Variants in HS3ST4 observed in about 807,000 individuals in gnomAD.
The protein encoded by HS3ST4 is heparan sulfate-glucosamine 3-sulfotransferase 4.
In HS3ST4, 17 loss-of-function variants were observed where a neutral mutation model predicts 29.2. The ratio of observed to expected loss-of-function variants is 0.58; its 90% CI spans 0.40 to 0.87. The LOEUF is 0.87. Among genes scored for constraint, HS3ST4 ranks in the 40% least tolerant of loss-of-function variants. The probability of loss-of-function intolerance (pLI) is 0.00; values close to 1 mark genes in which losing one functional copy is unlikely to be tolerated. For missense variants in HS3ST4, 627 were observed against 634.5 expected (o/e 0.99, Z 0.13); for synonymous variants, 314 against 285.7 (o/e 1.10, Z -1.00).
Position 25,692,844 on chromosome 16 carries a change from C to G in HS3ST4, c.427C>G (p.Pro143Ala), listed in dbSNP as rs1194254882. The G allele has an allele frequency of 6.9e-7, 1 of 1,445,824 alleles. No individual in the cohort carries two copies. The highest frequency in any genetic ancestry group is 2.6e-5 in the Admixed American group (1 of 38,766). 89.6% of individuals were successfully genotyped at this position (1,445,824 alleles called of 1,614,324 possible). Residue 143 changes from proline to alanine, a missense_variant, in exon 1 of 2, where the codon CCG (proline) becomes GCG (alanine). This residue lies in a region of HS3ST4 where 402 missense variants were observed against 340.8 expected (regional missense o/e 1.18). Coordinates refer to ENST00000331351, the MANE Select transcript of HS3ST4 (RefSeq NM_006040.3). ...GGAQDAWLRT[P>A]LAPSEMITAQ... Reference sequence around the variant, plus strand: ...CGCCCAGGACGCCTGGCTCCGGACCCCGCTGGCCCCCAGCGAGATGATCAC... The same window carrying G: ...CGCCCAGGACGCCTGGCTCCGGACCGCGCTGGCCCCCAGCGAGATGATCAC...
chr16:25,788,021 T>C (rs1966860148), intron 1 of HS3ST4, among the ~76,000 whole-genome samples: 1 of 152,170 alleles, frequency 6.6e-6, no homozygotes, highest in Non-Finnish European at 1.5e-5. Flanking sequence ...TAGTTACAAG[T>C]GACAAAATCC....
At chr16:25,710,095 C>A (rs1030439613) in intron 1 of HS3ST4, among the ~76,000 whole-genome samples, 1 of 152,070 alleles carries the variant, frequency 6.6e-6, no homozygotes, top group Non-Finnish European at 1.5e-5. Flanking sequence ...GTGAGGCTCA[C>A]AATATAGAAT....
Position 25,756,694 on chromosome 16 carries a change from A to T in HS3ST4, c.734+63543A>T, listed in dbSNP as rs184915375. On this transcript the variant is annotated intron_variant, in intron 1 of 1. Coordinates refer to ENST00000331351, the MANE Select transcript of HS3ST4 (RefSeq NM_006040.3). ...CGGTGAAACTGCTTTGTTGATAAAA[A>T]TGATCCCTGTGTGAAACAGATGTCA... is the stretch of plus-strand genomic sequence containing the variant. Among the ~76,000 whole-genome samples the T allele has an allele frequency of 2.3e-4, 35 of 152,350 alleles. 2 individuals carry two copies. The highest frequency in any genetic ancestry group is 9.6e-4 in the East Asian group (5 of 5,192).
chr16:26,100,124 A>T (rs1453581799), intron 1 of HS3ST4, among the ~76,000 whole-genome samples: 1 of 152,106 alleles, frequency 6.6e-6, no homozygotes, highest in Admixed American at 6.5e-5. Flanking sequence ...AACTGACAGT[A>T]GGGACTCGAA....
At chr16:25,910,049 G>A (rs1013284303) in intron 1 of HS3ST4, among the ~76,000 whole-genome samples, 1 of 152,174 alleles carries the variant, frequency 6.6e-6, no homozygotes, top group African/African-American at 2.4e-5. Context: ...GGCCAAAGAT[G>A]CCAGCTGAAG....
At chr16:25,803,491 G>C (rs1966961062) in intron 1 of HS3ST4, among the ~76,000 whole-genome samples, 1 of 152,132 alleles carries the variant, frequency 6.6e-6, no homozygotes, top group African/African-American at 2.4e-5. Flanking sequence ...CACCTCTCAT[G>C]ATGCTTTGGT....
At chr16:26,058,348 A>C (rs1898433642) in intron 1 of HS3ST4, among the ~76,000 whole-genome samples, 1 of 152,222 alleles carries the variant, frequency 6.6e-6, no homozygotes, top group Admixed American at 6.5e-5. Flanking sequence ...AAGTGATGGT[A>C]ATATTTTTAG....
intron 1 of HS3ST4, among the ~76,000 whole-genome samples, chr16:26,003,664 A>C (rs748426266): frequency 5.9e-5 from 9 of 152,154 alleles, no homozygotes; most frequent in Admixed American, 1.3e-4. Context: ...GCTACCCCTG[A>C]ACTGGCCACT....
chr16:26,034,525 C>G (rs1367213779), intron 1 of HS3ST4, among the ~76,000 whole-genome samples: 5 of 152,254 alleles, frequency 3.3e-5, no homozygotes, highest in Admixed American at 3.3e-4. Flanking sequence ...GAGAATACCC[C>G]AAATTACCAT....
At chr16:25,933,603 G>C (rs1025421890) in intron 1 of HS3ST4, among the ~76,000 whole-genome samples, 1 of 152,116 alleles carries the variant, frequency 6.6e-6, no homozygotes, top group Non-Finnish European at 1.5e-5. Flanking sequence ...CTGGTGTATT[G>C]GTTTTGCATT....
chr16:25,802,133 T>C (rs1966943301), intron 1 of HS3ST4, among the ~76,000 whole-genome samples: 1 of 152,014 alleles, frequency 6.6e-6, no homozygotes, highest in Admixed American at 6.6e-5. Context: ...TATTAAAAAT[T>C]GATATGATAT....
chr16:26,006,300 G>GAAAAAAAAAAAAA (rs11461863), intron 1 of HS3ST4, among the ~76,000 whole-genome samples: 2 of 68,670 alleles, frequency 2.9e-5, no homozygotes, highest in African/African-American at 1.2e-4. Flanking sequence ...CTCTGTTTCA[G>GAAAAAAAAAAAAA]AAAAAAAAAA....
chr16:25,925,945 C>T (rs1055722832), intron 1 of HS3ST4, among the ~76,000 whole-genome samples: 5 of 152,034 alleles, frequency 3.3e-5, no homozygotes, highest in African/African-American at 4.8e-5. Context: ...TCTCTGCCTC[C>T]GCTCCCATGC....
intron 1 of HS3ST4, among the ~76,000 whole-genome samples, chr16:25,934,962 G>T (rs887289333): frequency 6.6e-6 from 1 of 152,074 alleles, no homozygotes; most frequent in Non-Finnish European, 1.5e-5. Flanking sequence ...CGCATGTTGA[G>T]GGACGGAAGT....
intron 1 of HS3ST4, among the ~76,000 whole-genome samples, chr16:26,069,590 G>T (rs774360912): frequency 6.6e-6 from 1 of 151,416 alleles, no homozygotes; most frequent in Non-Finnish European, 1.5e-5. Flanking sequence ...AAGTTCTAGG[G>T]TACATGTGCA....
At chr16:25,811,662 A>G (rs1219508021) in intron 1 of HS3ST4, among the ~76,000 whole-genome samples, 1 of 151,452 alleles carries the variant, frequency 6.6e-6, no homozygotes, top group African/African-American at 2.4e-5. Flanking sequence ...CGAACTCCCA[A>G]CCTCAGGTGA....
intron 1 of HS3ST4, among the ~76,000 whole-genome samples, chr16:26,127,427 A>G (rs1455482105): frequency 6.6e-6 from 1 of 152,238 alleles, no homozygotes; most frequent in East Asian, 1.9e-4. Flanking sequence ...AGCCTGGGCA[A>G]CATAGTGAGA....
intron 1 of HS3ST4, among the ~76,000 whole-genome samples, chr16:25,875,075 A>G (rs1231822584): frequency 1.3e-5 from 2 of 152,304 alleles, no homozygotes; most frequent in East Asian, 1.9e-4. Context: ...ATGGGATACA[A>G]TGTTGATCCC....
chr16:25,961,999 A>C (rs754443493), intron 1 of HS3ST4, among the ~76,000 whole-genome samples: 3 of 152,210 alleles, frequency 2.0e-5, no homozygotes, highest in Non-Finnish European at 4.4e-5. Context: ...AAAATCTTTA[A>C]GCTTTGAGAT....
Sources: gnomAD v4.1 joint callset for allele counts (sites outside exome capture counted in the v4.1 genomes callset) on GRCh38, gnomAD v4.1.1 for gene constraint, gnomAD v4.1.1 regional missense constraint, MANE v1.5 for transcripts, NCBI Gene and HGNC (gene_info 2026-07-23, HGNC 2026-07-21) for gene names.